PPP2R2B: variants seen among roughly 807,000 people sequenced by gnomAD.
PPP2R2B encodes the protein serine/threonine-protein phosphatase 2A 55 kDa regulatory subunit B beta isoform.
A neutral mutation model predicts 46.0 loss-of-function variants in PPP2R2B; 5 were observed. The ratio of observed to expected loss-of-function variants is 0.11; its 90% CI spans 0.06 to 0.23. PPP2R2B has a LOEUF of 0.23. PPP2R2B is among the 10% of genes least tolerant of loss of function. The pLI, the probability that PPP2R2B is intolerant of heterozygous loss-of-function variation, is 1.00. For synonymous variants in PPP2R2B, 215 were observed against 206.7 expected (o/e 1.04, Z -0.34); for missense variants, 367 against 575.0 (o/e 0.64, Z 3.70).
intron 2 of PPP2R2B, among the ~76,000 whole-genome samples, chr5:147,071,353 C>G (rs1287741155): frequency 6.6e-6 from 1 of 152,170 alleles, no homozygotes; most frequent in Middle Eastern, 3.2e-3. Context: ...ACAGTGGTCC[C>G]TTAATTGAGC....
chr5:146,920,667 G>C (rs1763569599), intron 1 of PPP2R2B, among the ~76,000 whole-genome samples: 1 of 152,142 alleles, frequency 6.6e-6, no homozygotes, highest in Admixed American at 6.5e-5. Context: ...GAAGGAAGAG[G>C]CTGGCTACGG....
At chr5:146,743,056 TTCTGTTATTTA>T in intron 2 of PPP2R2B, among the ~76,000 whole-genome samples, 1 of 152,132 alleles carries the variant, frequency 6.6e-6, no homozygotes, top group East Asian at 1.9e-4. Flanking sequence ...GACAGTACAG[TTCTGTTATTTA>T]CACCACCCAC....
intron 1 of PPP2R2B, among the ~76,000 whole-genome samples, chr5:146,992,430 T>C (rs1469129914): frequency 1.3e-5 from 2 of 152,250 alleles, no homozygotes; most frequent in African/African-American, 4.8e-5. Flanking sequence ...TCCATTGTCA[T>C]TCATACCTCT....
In PPP2R2B at chr5:146,592,833, G is replaced by C. The variant is rs115414177; in HGVS notation, c.1052+138C>G. 1.5e-3 allele frequency: 1,088 copies of C among 736,880 alleles called. 8 individuals are homozygous for C. The African/African-American group carries it at 0.017, about 12-fold the overall frequency. 45.6% of individuals were successfully genotyped at this position (736,880 alleles called of 1,614,324 possible). ...CAGCCTTGACTTCAAGGGTCACTAG[G>C]GGCCCACATTATGCATTTCAGCCAG... On this transcript the variant is annotated intron_variant, in intron 9 of 9. Coordinates refer to ENST00000394411, the MANE Select transcript of PPP2R2B (RefSeq NM_181675.4).
chr5:146,681,850 C>G (rs996278945), intron 5 of PPP2R2B, among the ~76,000 whole-genome samples: 2 of 152,180 alleles, frequency 1.3e-5, no homozygotes, highest in Non-Finnish European at 2.9e-5. Context: ...CACTATCAGG[C>G]TTTATGGCCA....
chr5:146,968,205 CAG>C (rs1362633521), intron 1 of PPP2R2B, among the ~76,000 whole-genome samples: 1 of 152,190 alleles, frequency 6.6e-6, no homozygotes, highest in Non-Finnish European at 1.5e-5. Context: ...GGTATCAGTT[CAG>C]AGTTTCCACC....
chr5:146,691,300 T>C lies in PPP2R2B; in HGVS notation c.335-60A>G, dbSNP rs1778837538. ...GTGAAAAGCAAGCTCATAAGGGAGT[T>C]TTCCTGGGGGCAATGGGGAGAGGAA... On this transcript the variant is annotated intron_variant, in intron 4 of 9. Transcript: ENST00000394411. 2.1e-6 allele frequency: 3 copies of C among 1,422,894 alleles called. No homozygotes were observed. In the Admixed American group the frequency reaches 5.1e-5, roughly 24 times the overall value. 88.1% of individuals were successfully genotyped at this position (1,422,894 alleles called of 1,614,324 possible).
chr5:146,905,796 T>C (rs1762977704), intron 1 of PPP2R2B, among the ~76,000 whole-genome samples: 1 of 152,152 alleles, frequency 6.6e-6, no homozygotes, highest in African/African-American at 2.4e-5. Context: ...GACAAAACTA[T>C]AGAGTCAAAT....
chr5:146,906,857 A>C (rs1763016740), intron 1 of PPP2R2B, among the ~76,000 whole-genome samples: 1 of 152,240 alleles, frequency 6.6e-6, no homozygotes, highest in South Asian at 2.1e-4. Flanking sequence ...ATTGAATTGT[A>C]CATTTAAAAC....
At chr5:146,783,360 A>AT (rs1332739964) in intron 2 of PPP2R2B, among the ~76,000 whole-genome samples, 1 of 152,230 alleles carries the variant, frequency 6.6e-6, no homozygotes, top group Non-Finnish European at 1.5e-5. Flanking sequence ...ATAAGCCCTG[A>AT]TTTCATTTAA....
chr5:146,811,939 C>T (rs1256995986), intron 2 of PPP2R2B, among the ~76,000 whole-genome samples: 1 of 151,984 alleles, frequency 6.6e-6, no homozygotes, highest in Admixed American at 6.6e-5. Context: ...GTTCATTCAT[C>T]ACATCTCGAT....
At chr5:146,998,806 A>T (rs1754033904) in intron 1 of PPP2R2B, among the ~76,000 whole-genome samples, 1 of 151,796 alleles carries the variant, frequency 6.6e-6, no homozygotes, top group African/African-American at 2.4e-5. Context: ...CCCCCTTATC[A>T]CTCACTGATC....
chr5:146,797,460 C>A (rs140904194), intron 2 of PPP2R2B, among the ~76,000 whole-genome samples: 2 of 152,286 alleles, frequency 1.3e-5, no homozygotes, highest in Admixed American at 6.5e-5. Flanking sequence ...TGCCTGCTTT[C>A]TTTTATTTTT....
chr5:146,676,073 C>A (rs1561823048), intron 5 of PPP2R2B, among the ~76,000 whole-genome samples: 1 of 152,006 alleles, frequency 6.6e-6, no homozygotes, highest in South Asian at 2.1e-4. Flanking sequence ...GGAGGCCATG[C>A]CCTGACATGT....
chr5:146,649,398 GGCCCA>G (rs760218286), intron 6 of PPP2R2B, among the ~76,000 whole-genome samples: 1 of 151,204 alleles, frequency 6.6e-6, no homozygotes, highest in Non-Finnish European at 1.5e-5. Context: ...TGAAAATACT[GGCCCA>G]GCTATTCAGC....
chr5:146,757,716 G>T (rs1480430853), intron 2 of PPP2R2B, among the ~76,000 whole-genome samples: 1 of 152,162 alleles, frequency 6.6e-6, no homozygotes, highest in African/African-American at 2.4e-5. Flanking sequence ...CAAGAATATT[G>T]CTTGTATCCC....
chr5:146,993,886 G>T (rs1192572489), intron 1 of PPP2R2B, among the ~76,000 whole-genome samples: 2 of 152,038 alleles, frequency 1.3e-5, no homozygotes, highest in Non-Finnish European at 2.9e-5. Flanking sequence ...ATAGTTAGTA[G>T]CTGTTCTCTA....
intron 1 of PPP2R2B, among the ~76,000 whole-genome samples, chr5:147,008,124 G>A (rs1356726095): frequency 4.6e-5 from 7 of 152,166 alleles, no homozygotes; most frequent in South Asian, 2.1e-4. Context: ...TTTATGTTGA[G>A]GGACAAAAAT....
intron 2 of PPP2R2B, among the ~76,000 whole-genome samples, chr5:147,062,512 G>C (rs1365136307): frequency 1.3e-5 from 2 of 152,064 alleles, no homozygotes; most frequent in Non-Finnish European, 2.9e-5. Flanking sequence ...TATTTTATCT[G>C]TTTATAGATG....
Sources: allele counts gnomAD v4.1 joint callset (sites outside exome capture counted in the v4.1 genomes callset), GRCh38; gene constraint gnomAD v4.1.1; transcripts MANE v1.5; gene names NCBI Gene and HGNC (gene_info 2026-07-23, HGNC 2026-07-21).